The following SAMD8 variants were observed in gnomAD, a reference collection of about 807,000 sequenced individuals.
SAMD8 encodes the protein sterile alpha motif domain containing 8.
Under a neutral mutation model 42.0 loss-of-function variants are expected in SAMD8, and 20 were observed. That is an observed-to-expected ratio of 0.48 (90% CI 0.34 to 0.69). SAMD8 has a LOEUF of 0.69. SAMD8 is among the 30% of genes least tolerant of loss of function. The probability of loss-of-function intolerance (pLI) is 0.01; values close to 1 mark genes in which losing one functional copy is unlikely to be tolerated. For missense variants in SAMD8, 328 were observed against 511.6 expected, an observed-to-expected ratio of 0.64 and a Z score of 3.46; for synonymous variants, 162 against 173.0, an observed-to-expected ratio of 0.94 and a Z score of 0.50.
In SAMD8 at chr10:75,128,307, A is replaced by G. The variant is rs377009718; in HGVS notation, c.-16+16585A>G. On this transcript the variant is annotated intron_variant, in intron 1 of 5. Coordinates refer to ENST00000542569, the MANE Select transcript of SAMD8 (RefSeq NM_001174156.2). Reference sequence around the variant, plus strand: ...AGGCTGGTCTGGAACTCCTGACCTCAAGTGATCCACCTGCCTCGACCTCCA... The same window carrying G: ...AGGCTGGTCTGGAACTCCTGACCTCGAGTGATCCACCTGCCTCGACCTCCA... 1.7e-3 allele frequency among the ~76,000 whole-genome samples: 264 copies of G among 152,188 alleles called. 2 individuals carry two copies. Among genetic ancestry groups the G allele is most frequent in the Middle Eastern group, 0.01 (3 of 294 alleles).
intron 1 of SAMD8, among the ~76,000 whole-genome samples, chr10:75,103,637 G>A (rs1027240508): frequency 6.6e-6 from 1 of 152,204 alleles, no homozygotes; most frequent in Non-Finnish European, 1.5e-5. Flanking sequence ...CTCCCAGATG[G>A]TGGGAACAGG....
At chr10:75,110,918 C>A (rs985726185), upstream of SAMD8, among the ~76,000 whole-genome samples, 1 of 151,994 alleles carries the variant, frequency 6.6e-6, no homozygotes, top group African/African-American at 2.4e-5. Flanking sequence ...CGGGTTCAAG[C>A]GATTCTCCTG....
At chr10:75,168,786 AC>A in intron 4 of SAMD8, 128 bp downstream of exon 4, 1 of 617,586 alleles carries the variant, frequency 1.6e-6, no homozygotes, top group Non-Finnish European at 2.9e-6. Flanking sequence ...TATAAAAAAA[AC>A]TATAGAAATA....
chr10:75,108,942 G>C (rs1158890097), upstream of SAMD8: 1 of 1,534,044 alleles, frequency 6.5e-7, no homozygotes, highest in Admixed American at 1.9e-5. Context: ...TCCTGTGTCT[G>C]GTAAAGCGAC....
rs139255583 is a variant in SAMD8, at chr10:75,114,539, G to T, written c.-16+2817G>T. On this transcript the variant is annotated intron_variant, in intron 1 of 5. Transcript: ENST00000542569. ...ATCCTCAATACTTCTTCAAAACTTT[G>T]CTGTTACTGATTAAGACATTTTCAT... Among the ~76,000 whole-genome samples, 509 of 152,100 alleles carry T rather than the reference G, an allele frequency of 3.3e-3. 1 individual carries two copies. Among genetic ancestry groups the T allele is most frequent in the Non-Finnish European group, 6.3e-3 (429 of 67,980 alleles).
chr10:75,120,114 C>G (rs1164632621), intron 1 of SAMD8, among the ~76,000 whole-genome samples: 1 of 152,038 alleles, frequency 6.6e-6, no homozygotes, highest in Non-Finnish European at 1.5e-5. Context: ...CTATTTTGGT[C>G]TCTTGTGTGT....
intron 1 of SAMD8, among the ~76,000 whole-genome samples, chr10:75,131,767 G>T (rs530166903): frequency 6.6e-6 from 1 of 152,256 alleles, no homozygotes; most frequent in African/African-American, 2.4e-5. Context: ...ATGGTGGAAA[G>T]AACACTGAAT....
chr10:75,124,604 C>A (rs1849086287), intron 1 of SAMD8, among the ~76,000 whole-genome samples: 1 of 139,948 alleles, frequency 7.1e-6, no homozygotes, highest in Non-Finnish European at 1.5e-5. Flanking sequence ...CAGAACGAGA[C>A]TCCATCTCAA....
intron 2 of SAMD8, among the ~76,000 whole-genome samples, chr10:75,152,892 A>G (rs547992505): frequency 5.2e-4 from 79 of 152,158 alleles, no homozygotes; most frequent in Middle Eastern, 3.4e-3. Context: ...TAATAATAAA[A>G]CAGTAAACAA....
At chr10:75,115,940 CAAAAAAAAA>C (rs35416435) in intron 1 of SAMD8, among the ~76,000 whole-genome samples, 15 of 68,878 alleles carry the variant, frequency 2.2e-4, no homozygotes, top group African/African-American at 7.9e-4. Context: ...GACTCCGTCT[CAAAAAAAAA>C]AAAAAAAAAA....
At chr10:75,171,915 A>C (rs1336142408) in intron 4 of SAMD8, among the ~76,000 whole-genome samples, 1 of 151,808 alleles carries the variant, frequency 6.6e-6, no homozygotes. Context: ...AATCCCAGCT[A>C]CTCGGGAGGC....
intron 1 of SAMD8, among the ~76,000 whole-genome samples, chr10:75,113,789 C>T (rs569964851): frequency 1.4e-3 from 209 of 152,212 alleles, no homozygotes; most frequent in African/African-American, 4.7e-3. Flanking sequence ...TGTAATATTA[C>T]TGTTTGTTGG....
At chr10:75,175,554 A>T (rs1000450811) in intron 4 of SAMD8, among the ~76,000 whole-genome samples, 5 of 151,884 alleles carry the variant, frequency 3.3e-5, no homozygotes, top group Non-Finnish European at 7.4e-5. Flanking sequence ...TTAATTAATT[A>T]ATCAATTTTT....
chr10:75,127,731 T>TTCC (rs1849177631), intron 1 of SAMD8, among the ~76,000 whole-genome samples: 1 of 152,220 alleles, frequency 6.6e-6, no homozygotes, highest in Non-Finnish European at 1.5e-5. Context: ...ATTGAATGGA[T>TTCC]AGCTGATAAT....
intron 2 of SAMD8, among the ~76,000 whole-genome samples, chr10:75,160,165 G>A (rs1238829857): frequency 6.6e-6 from 1 of 152,058 alleles, no homozygotes; most frequent in Non-Finnish European, 1.5e-5. Flanking sequence ...AATAATCAGT[G>A]TTCATAGTGA....
At chr10:75,143,935 A>G (rs962746016) in intron 1 of SAMD8, among the ~76,000 whole-genome samples, 2 of 151,510 alleles carry the variant, frequency 1.3e-5, no homozygotes, top group African/African-American at 4.8e-5. Flanking sequence ...TGTGTGTGGT[A>G]AAATATATAC....
chr10:75,162,448 G>A (rs756846291), intron 2 of SAMD8, among the ~76,000 whole-genome samples: 2 of 151,948 alleles, frequency 1.3e-5, no homozygotes, highest in African/African-American at 2.4e-5. Context: ...TCAGGATTTC[G>A]AGACCAGCCT....
chr10:75,138,958 CTTTTTTTTT>C (rs201911661), intron 1 of SAMD8, among the ~76,000 whole-genome samples: 1 of 133,312 alleles, frequency 7.5e-6, no homozygotes, highest in South Asian at 2.4e-4. Flanking sequence ...GTGGTTTTTT[CTTTTTTTTT>C]TTTTTTTTTT....
chr10:75,101,200 GT>G (rs1848136394), intron 1 of SAMD8, among the ~76,000 whole-genome samples: 1 of 152,190 alleles, frequency 6.6e-6, no homozygotes, highest in South Asian at 2.1e-4. Context: ...GAAATCTCAG[GT>G]CTGGTACTTG....
Sources: gnomAD v4.1 joint callset for allele counts (sites outside exome capture counted in the v4.1 genomes callset) on GRCh38, gnomAD v4.1.1 for gene constraint, MANE v1.5 for transcripts, NCBI Gene and HGNC (gene_info 2026-07-23, HGNC 2026-07-21) for gene names.